The following SATB1 variants were observed in gnomAD, a reference collection of about 807,000 sequenced individuals.
The protein encoded by SATB1 is SATB homeobox 1.
A neutral mutation model predicts 86.9 loss-of-function variants in SATB1; 11 were observed. The observed-to-expected ratio is 0.13, with a 90% confidence interval of 0.08 to 0.21. The LOEUF (loss-of-function observed/expected upper bound fraction) is 0.21, where lower values mean the gene tolerates loss of function less well. Among genes scored for constraint, SATB1 ranks in the 10% least tolerant of loss-of-function variants. SATB1 has a pLI of 1.00. For missense variants in SATB1, 551 were observed against 937.6 expected (o/e 0.59, Z 5.39); for synonymous variants, 357 against 357.2 (o/e 1.00, Z 0.01).
chr3:18,427,416 C>T (rs1436447918), upstream of SATB1, among the ~76,000 whole-genome samples: 3 of 152,010 alleles, frequency 2.0e-5, no homozygotes. Context: ...TGTAATTTAG[C>T]CAGGCAATGT....
At chr3:18,351,739 GC>G in intron 10 of SATB1, 1 of 537,496 alleles carries the variant, frequency 1.9e-6, no homozygotes, top group Admixed American at 3.2e-5. Context: ...AGACACATTT[GC>G]CAAACGAGTG....
intron 5 of SATB1, among the ~76,000 whole-genome samples, chr3:18,402,084 C>T (rs896329982): frequency 2.6e-5 from 4 of 152,056 alleles, no homozygotes; most frequent in South Asian, 2.1e-4. Flanking sequence ...CACAAAGAAT[C>T]GGTTAAGGTT....
intron 8 of SATB1, among the ~76,000 whole-genome samples, chr3:18,381,316 T>C (rs1227008277): frequency 1.3e-5 from 2 of 152,226 alleles, no homozygotes; most frequent in Admixed American, 1.3e-4. Context: ...AAGAATTGCC[T>C]GCAAGCACAC....
At chr3:18,362,369 T>C (rs1418172557) in intron 9 of SATB1, among the ~76,000 whole-genome samples, 2 of 151,958 alleles carry the variant, frequency 1.3e-5, no homozygotes, top group Non-Finnish European at 2.9e-5. Context: ...AATGTAAAAA[T>C]GCGGCAAAGG....
At chr3:18,441,929 T>C (rs1473082764), upstream of SATB1, among the ~76,000 whole-genome samples, 2 of 152,170 alleles carry the variant, frequency 1.3e-5, no homozygotes, top group Non-Finnish European at 1.5e-5. Flanking sequence ...AAACCAATAT[T>C]CATTTTGTTG....
At position 18,348,926 on chromosome 3, in the gene SATB1, C is replaced by G; in HGVS notation, c.*244G>C. On this transcript the variant is annotated 3_prime_UTR_variant, in exon 11 of 11. Transcript: ENST00000338745. ...TACACACTTTGGTGCATCCCGTGAA[C>G]ACAAATTTTAATACCAAACAATCCT... The G allele has an allele frequency of 1.7e-6, 1 of 575,824 alleles. No individual in the cohort carries two copies. Among genetic ancestry groups the G allele is most frequent in the African/African-American group, 1.9e-5 (1 of 53,380 alleles). 35.7% of individuals were successfully genotyped at this position (575,824 alleles called of 1,614,324 possible).
chr3:18,404,277 C>CAA (rs1697412232), intron 5 of SATB1, among the ~76,000 whole-genome samples: 1 of 152,010 alleles, frequency 6.6e-6, no homozygotes, highest in Non-Finnish European at 1.5e-5. Context: ...CCAAATCTTT[C>CAA]CCTCTGGATC....
Position 18,386,309 on chromosome 3 carries a change from A to G in SATB1, c.1419+90T>C. On this transcript the variant is annotated intron_variant, in intron 8 of 10. Coordinates refer to ENST00000338745, the MANE Select transcript of SATB1 (RefSeq NM_002971.6). This position sits in a 1 kb window ranked among gnomAD's most constrained non-coding sequence, Gnocchi z 4.5. ...AATTTAAAAACATATAAATCTATGT[A>G]TCTATCTATCTAATTTCTTATTGAG... 6 of 964,790 alleles carry G rather than the reference A, an allele frequency of 6.2e-6. No homozygotes were observed. Among genetic ancestry groups the G allele is most frequent in the Non-Finnish European group, 9.6e-6 (6 of 625,450 alleles). 59.8% of individuals were successfully genotyped at this position (964,790 alleles called of 1,614,324 possible).
rs372060615 is a variant in SATB1, at chr3:18,349,242, A to T, written c.2220T>A (p.Leu740=). The change falls in exon 11 of 11, where the codon CTT becomes CTA. Residue 740 remains leucine, a synonymous_variant. Transcript: ENST00000338745. This position sits in a 1 kb window ranked among gnomAD's most constrained non-coding sequence, Gnocchi z 5.5. ...ESVQDKNTNT[L]FSVKLEEELS... is the part of the protein sequence containing the mutation. The stretch of plus-strand genomic sequence containing the variant: ...GCTCTTCTTCTAGTTTCACTGAAAA[A>T]AGGGTGTTAGTATTTTTATCTTGGA... The T allele has an allele frequency of 6.2e-7, 1 of 1,614,142 alleles. No individual in the cohort carries two copies. The highest frequency in any genetic ancestry group is 8.5e-7 in the Non-Finnish European group (1 of 1,180,036).
intron 9 of SATB1, among the ~76,000 whole-genome samples, chr3:18,357,680 A>C (rs1694716170): frequency 6.6e-6 from 1 of 151,798 alleles, no homozygotes; most frequent in African/African-American, 2.4e-5. Context: ...TAAAGGTTTA[A>C]AGATATCACA....
At chr3:18,434,783 GA>G (rs1699004784) in intron 2 of SATB1, 2 of 151,404 alleles carry the variant, frequency 1.3e-5, no homozygotes, top group South Asian at 2.1e-4. Context: ...ACTTGAAAGA[GA>G]AAATATAAAT....
intron 1 of SATB1, chr3:18,421,342 T>C (rs530834354): frequency 2.7e-5 from 5 of 187,462 alleles, no homozygotes; most frequent in South Asian, 1.1e-4. Flanking sequence ...TCCCAATTTT[T>C]AACAATTAGA....
chr3:18,372,023 A>G (rs1459644481), intron 9 of SATB1, among the ~76,000 whole-genome samples: 2 of 152,220 alleles, frequency 1.3e-5, no homozygotes, highest in East Asian at 3.8e-4. Flanking sequence ...AGAGCTTCCA[A>G]AAAGAGAAAA....
Position 18,424,029 on chromosome 3 carries a change from T to A in SATB1, c.-427A>T, listed in dbSNP as rs547834934. On this transcript the variant is annotated 5_prime_UTR_variant, in exon 1 of 11. Transcript: ENST00000338745. ...TAAAATTGATCTGACAAGTGATTCGTTGGGGGGAAATCGTAAAAACAAAGC... is the reference window on the plus strand; with the variant it reads ...TAAAATTGATCTGACAAGTGATTCGATGGGGGGAAATCGTAAAAACAAAGC... The A allele has an allele frequency of 6.6e-6, 1 of 151,594 alleles. No individual in the cohort carries two copies. Among genetic ancestry groups the A allele is most frequent in the Non-Finnish European group, 1.5e-5 (1 of 67,986 alleles). 9.4% of individuals were successfully genotyped at this position (151,594 alleles called of 1,614,324 possible).
chr3:18,390,478 C>T (rs1696600269), intron 7 of SATB1, among the ~76,000 whole-genome samples: 1 of 152,156 alleles, frequency 6.6e-6, no homozygotes, highest in African/African-American at 2.4e-5. Context: ...GTTTGGCAGG[C>T]TAACCAGAGA....
At chr3:18,377,112 T>C (rs919331521) in intron 9 of SATB1, among the ~76,000 whole-genome samples, 1 of 152,154 alleles carries the variant, frequency 6.6e-6, no homozygotes, top group African/African-American at 2.4e-5. Flanking sequence ...TAAATGTCGA[T>C]AGGGTAAAAG....
In SATB1 at chr3:18,415,174, A is replaced by G; in HGVS notation, c.576T>C (p.Ala192=). The G allele has an allele frequency of 6.2e-7, 1 of 1,613,098 alleles. No homozygotes were observed. Among genetic ancestry groups the G allele is most frequent in the Non-Finnish European group, 8.5e-7 (1 of 1,179,294 alleles). The change falls in exon 5 of 11, where the codon GCT becomes GCC. Residue 192 remains alanine, a synonymous_variant. Coordinates refer to ENST00000338745, the MANE Select transcript of SATB1 (RefSeq NM_002971.6). Reference sequence around the variant, plus strand: ...TCATATCTTTCAGTAAGTCCTTCAGAGCATTCCTCACTGTGGTGTGCGACC... The same window carrying G: ...TCATATCTTTCAGTAAGTCCTTCAGGGCATTCCTCACTGTGGTGTGCGACC... The part of the protein sequence containing the change: ...EQWSHTTVRN[A]LKDLLKDMNQ...
At chr3:18,364,707 ATATG>A (rs988052681) in intron 9 of SATB1, among the ~76,000 whole-genome samples, 3 of 152,092 alleles carry the variant, frequency 2.0e-5, no homozygotes, top group African/African-American at 7.2e-5. Context: ...TATCAAATAT[ATATG>A]TATGTATGTA....
chr3:18,397,656 C>T (rs1157865422), intron 5 of SATB1, among the ~76,000 whole-genome samples: 1 of 152,134 alleles, frequency 6.6e-6, no homozygotes, highest in African/African-American at 2.4e-5. Context: ...TACGAGACTT[C>T]GCGATTTTTT....
Sources: gnomAD v4.1 joint callset for allele counts (sites outside exome capture counted in the v4.1 genomes callset) on GRCh38, gnomAD v4.1.1 for gene constraint, Gnocchi (gnomAD v3.1) non-coding constraint, MANE v1.5 for transcripts, NCBI Gene and HGNC (gene_info 2026-07-23, HGNC 2026-07-21) for gene names.